GSE1: variants seen among roughly 807,000 people sequenced by gnomAD.
GSE1 encodes the protein Gse1 coiled-coil protein, also known as genetic suppressor element 1.
Under a neutral mutation model 112.6 loss-of-function variants are expected in GSE1, and 32 were observed. The observed-to-expected ratio is 0.28, with a 90% CI of 0.21 to 0.38. The LOEUF is 0.38. Among genes scored for constraint, GSE1 ranks in the 10% least tolerant of loss-of-function variants. GSE1 has a pLI of 1.00. For synonymous variants in GSE1, 1,115 were observed against 735.6 expected (o/e 1.52, Z -8.35); for missense variants, 2,348 against 1,699.2 (o/e 1.38, Z -6.71).
chr16:85,622,160 G>C (rs762200262), intron 1 of GSE1, among the ~76,000 whole-genome samples: 2 of 152,224 alleles, frequency 1.3e-5, no homozygotes, highest in Non-Finnish European at 2.9e-5. Context: ...CTGTTTGGTG[G>C]CTGGGTTGGA....
intron 1 of GSE1, among the ~76,000 whole-genome samples, chr16:85,242,746 G>T (rs1479704322): frequency 1.3e-5 from 2 of 152,190 alleles, no homozygotes; most frequent in African/African-American, 4.8e-5. Flanking sequence ...GCTTGGGGTG[G>T]AGCCTGGGCT....
chr16:85,303,766 T>A (rs903731940), intron 1 of GSE1, among the ~76,000 whole-genome samples: 1 of 152,228 alleles, frequency 6.6e-6, no homozygotes, highest in African/African-American at 2.4e-5. Flanking sequence ...GGCTGCGGCC[T>A]GGCCCTGCCT....
At chr16:85,620,163 G>A (rs2048640772) in intron 1 of GSE1, among the ~76,000 whole-genome samples, 1 of 152,202 alleles carries the variant, frequency 6.6e-6, no homozygotes, top group African/African-American at 2.4e-5. Context: ...GGATGCGCCT[G>A]TGGTTCCAGC....
At chr16:85,646,759 T>C (rs12598891) in intron 2 of GSE1, among the ~76,000 whole-genome samples, 120,697 of 152,056 alleles carry the variant, frequency 0.79, 48,763 homozygotes, top group Middle Eastern at 0.86. Flanking sequence ...CCCCCTGGGC[T>C]TCGTCAGGCT....
intron 1 of GSE1, among the ~76,000 whole-genome samples, chr16:85,621,103 G>A (rs968853543): frequency 3.7e-4 from 56 of 151,712 alleles, no homozygotes; most frequent in African/African-American, 1.2e-3. Flanking sequence ...TGGGGAACCC[G>A]TGTAGATGGT....
intron 2 of GSE1, among the ~76,000 whole-genome samples, chr16:85,452,007 T>C (rs1356474229): frequency 6.6e-6 from 1 of 151,680 alleles, no homozygotes; most frequent in Non-Finnish European, 1.5e-5. Context: ...ACTGGGTCCA[T>C]GTGCTGTAAG....
At chr16:85,291,497 C>G (rs1398670492) in intron 1 of GSE1, among the ~76,000 whole-genome samples, 2 of 152,262 alleles carry the variant, frequency 1.3e-5, no homozygotes, top group Non-Finnish European at 2.9e-5. Context: ...CGCGTGAGCC[C>G]TGGTGTCCCA....
At chr16:85,553,531 G>A (rs553060940), upstream of GSE1, among the ~76,000 whole-genome samples, 3 of 152,074 alleles carry the variant, frequency 2.0e-5, no homozygotes, top group South Asian at 6.2e-4. Context: ...CCGCCCGCTG[G>A]GAGGGGGCGC....
chr16:85,591,633 T>G (rs1598304207), intron 1 of GSE1, among the ~76,000 whole-genome samples: 1 of 152,078 alleles, frequency 6.6e-6, no homozygotes, highest in East Asian at 1.9e-4. Context: ...GGGCTGGGGG[T>G]GCTGGGGGCT....
chr16:85,517,319 C>T (rs2051983648), intron 2 of GSE1, among the ~76,000 whole-genome samples: 1 of 152,192 alleles, frequency 6.6e-6, no homozygotes, highest in Non-Finnish European at 1.5e-5. Context: ...TGTCCTTGGT[C>T]CTGCTGCTTA....
At chr16:85,424,574 G>A (rs2048924350) in intron 2 of GSE1, among the ~76,000 whole-genome samples, 1 of 152,236 alleles carries the variant, frequency 6.6e-6, no homozygotes, top group Admixed American at 6.5e-5. Flanking sequence ...TGCAGCCTCC[G>A]CCCTCTTCCT....
intron 3 of GSE1, among the ~76,000 whole-genome samples, chr16:85,651,984 A>G (rs889516918): frequency 4.6e-5 from 7 of 152,154 alleles, no homozygotes. Flanking sequence ...GTTTGGCCCT[A>G]TGCCAGGCAG....
intron 2 of GSE1, among the ~76,000 whole-genome samples, chr16:85,461,178 G>C (rs977728947): frequency 6.6e-6 from 1 of 152,216 alleles, no homozygotes; most frequent in African/African-American, 2.4e-5. Flanking sequence ...CTTAACCTTG[G>C]GACTGTTGAC....
chr16:85,627,142 A>C (rs1448457580), intron 1 of GSE1, among the ~76,000 whole-genome samples: 1 of 105,326 alleles, frequency 9.5e-6, no homozygotes. Flanking sequence ...GTATTGATTC[A>C]AGAAGCGGTG....
At chr16:85,551,347 A>T (rs1032890093), upstream of GSE1, among the ~76,000 whole-genome samples, 1 of 152,088 alleles carries the variant, frequency 6.6e-6, no homozygotes, top group Non-Finnish European at 1.5e-5. Flanking sequence ...TGTGGCCTAG[A>T]CTGGTGGCCC....
In GSE1 at chr16:85,613,352, C is replaced by G; in HGVS notation, c.-40C>G. 1 of 1,567,100 alleles carries G rather than the reference C, an allele frequency of 6.4e-7. No individual in the cohort carries two copies. On this transcript the variant is annotated 5_prime_UTR_variant, in exon 1 of 16. Coordinates refer to ENST00000253458, the MANE Select transcript of GSE1 (RefSeq NM_014615.5). Reference sequence around the variant, plus strand: ...AGACAAACACTGGGCGACGGTGGCTCCAGCATGTATCAGCCGAGGTGGAGC... The same window carrying G: ...AGACAAACACTGGGCGACGGTGGCTGCAGCATGTATCAGCCGAGGTGGAGC...
intron 2 of GSE1, among the ~76,000 whole-genome samples, chr16:85,499,513 T>C (rs544613064): frequency 5.9e-4 from 90 of 151,956 alleles, no homozygotes; most frequent in African/African-American, 2.0e-3. Context: ...GATTTCACCG[T>C]GTTAGGATGG....
chr16:85,454,513 G>A (rs1364653304), intron 2 of GSE1, among the ~76,000 whole-genome samples: 1 of 152,222 alleles, frequency 6.6e-6, no homozygotes, highest in African/African-American at 2.4e-5. Context: ...CCAGGCTCCT[G>A]GGCAGATGCC....
chr16:85,460,782 TA>T (rs1458863486), intron 2 of GSE1, among the ~76,000 whole-genome samples: 2 of 128,686 alleles, frequency 1.6e-5, no homozygotes, highest in Non-Finnish European at 3.1e-5. Context: ...GAACGTCCCA[TA>T]ACCAGGGACG....
Sources: allele counts gnomAD v4.1 joint callset (sites outside exome capture counted in the v4.1 genomes callset), GRCh38; gene constraint gnomAD v4.1.1; transcripts MANE v1.5; gene names NCBI Gene and HGNC (gene_info 2026-07-23, HGNC 2026-07-21).